The following TAFA5 variants were observed in gnomAD, a reference collection of about 807,000 sequenced individuals.
TAFA5 encodes the protein chemokine-like protein TAFA-5.
In TAFA5, 6 loss-of-function variants were observed where a neutral mutation model predicts 15.3. The observed-to-expected ratio is 0.39, with a 90% CI of 0.21 to 0.77. TAFA5 has a LOEUF of 0.77. Among genes scored for constraint, TAFA5 ranks in the 30% least tolerant of loss-of-function variants. TAFA5 has a pLI of 0.41. For missense variants in TAFA5, 161 were observed against 193.1 expected (o/e 0.83, Z 0.98); for synonymous variants, 103 against 80.7 (o/e 1.28, Z -1.48).
intron 1 of TAFA5, among the ~76,000 whole-genome samples, chr22:48,534,055 T>G (rs80517): frequency 6.6e-6 from 1 of 151,904 alleles, no homozygotes; most frequent in Admixed American, 6.5e-5. Context: ...AGAGCCCACA[T>G]GGTCTCCTTC....
chr22:48,647,859 A>C (rs1926921200), intron 2 of TAFA5, among the ~76,000 whole-genome samples: 1 of 152,078 alleles, frequency 6.6e-6, no homozygotes. Flanking sequence ...CCCGTGGGTG[A>C]GATGCGGAGT....
chr22:48,659,183 GC>G (rs750511367), intron 2 of TAFA5, among the ~76,000 whole-genome samples: 8 of 152,222 alleles, frequency 5.3e-5, no homozygotes, highest in Non-Finnish European at 1.2e-4. Context: ...CTCACTCTGG[GC>G]CCTCGTCCAC....
chr22:48,658,847 A>G (rs1052631066), intron 2 of TAFA5, among the ~76,000 whole-genome samples: 4 of 152,190 alleles, frequency 2.6e-5, no homozygotes, highest in Non-Finnish European at 4.4e-5. Flanking sequence ...CAGTCATGGA[A>G]TAAGGGTTCA....
At chr22:48,559,887 G>A (rs551929033) in intron 1 of TAFA5, among the ~76,000 whole-genome samples, 3 of 152,300 alleles carry the variant, frequency 2.0e-5, no homozygotes, top group South Asian at 2.1e-4. Context: ...CCAGAGATGC[G>A]GTCGCCGTGC....
At chr22:48,707,610 A>G in intron 2 of TAFA5, 107 bp from the exon 3 acceptor site, 2 of 1,392,898 alleles carry the variant, frequency 1.4e-6, no homozygotes, top group Non-Finnish European at 2.0e-6. Flanking sequence ...CACGCCGGGC[A>G]TTGCCTGAGG....
chr22:48,636,321 A>G (rs1926444690), intron 1 of TAFA5, among the ~76,000 whole-genome samples: 1 of 152,264 alleles, frequency 6.6e-6, no homozygotes, highest in Non-Finnish European at 1.5e-5. Context: ...TCGCACACAT[A>G]TAATTGCTTC....
chr22:48,742,596 ACATGGTGGACCGGGCCG>A lies in TAFA5; in HGVS notation c.391-7231_391-7215del, dbSNP rs905763975. Among the ~76,000 whole-genome samples, 6 of 151,682 alleles carry A rather than the reference ACATGGTGGACCGGGCCG, an allele frequency of 4.0e-5. No homozygotes were observed. Among genetic ancestry groups the A allele is most frequent in the African/African-American group, 9.7e-5 (4 of 41,274 alleles). On this transcript the variant is annotated intron_variant, in intron 3 of 3. Coordinates refer to ENST00000402357, the MANE Select transcript of TAFA5 (RefSeq NM_001082967.3). The surrounding 1 kb of genome is among the most constrained non-coding windows in gnomAD (Gnocchi z 6.2). ...ACTGGGCAGCGTGATGGACCAGGCG[ACATGGTGGACCGGGCCG>A]CATGGTGGACCAGGCAACGTGGTAG...
intron 2 of TAFA5, among the ~76,000 whole-genome samples, chr22:48,680,531 C>T (rs1262259799): frequency 1.3e-5 from 2 of 152,120 alleles, no homozygotes; most frequent in Admixed American, 1.3e-4. Flanking sequence ...GGGAAGTGGG[C>T]ACCCACAAAC....
chr22:48,523,129 G>T (rs1490781458), intron 1 of TAFA5, among the ~76,000 whole-genome samples: 2 of 152,198 alleles, frequency 1.3e-5, no homozygotes, highest in Non-Finnish European at 2.9e-5. Context: ...TCCAGCTCAC[G>T]GGCCTCCATC....
In TAFA5 at chr22:48,594,880, T is replaced by A. The variant is rs1359180481; in HGVS notation, c.113-51717T>A. Among the ~76,000 whole-genome samples the A allele has an allele frequency of 2.6e-4, 20 of 76,014 alleles. No individual in the cohort carries two copies. The East Asian group carries it at 5.0e-3, about 19-fold the overall frequency. 49.9% of individuals were successfully genotyped at this position (76,014 alleles called of 152,430 possible). On this transcript the variant is annotated intron_variant, in intron 1 of 3. Coordinates refer to ENST00000402357, the MANE Select transcript of TAFA5 (RefSeq NM_001082967.3). The stretch of plus-strand genomic sequence containing the variant: ...GCTGAATTTGCCTCCTGAGCACATT[T>A]TTTTTTTTTTTTTTGGTGCTCAGAG...
chr22:48,676,766 C>T (rs140021539), intron 2 of TAFA5, among the ~76,000 whole-genome samples: 29 of 152,364 alleles, frequency 1.9e-4, no homozygotes, highest in African/African-American at 5.5e-4. Context: ...ACAAGCCCTG[C>T]TCAAGTCCTG....
intron 1 of TAFA5, 21 bp from the exon 2 acceptor site, chr22:48,646,576 C>T (rs1206564789): frequency 9.9e-6 from 16 of 1,610,382 alleles, no homozygotes; most frequent in East Asian, 2.2e-5. Context: ...GCCGCTCAGT[C>T]GCTTCTGCTC....
intron 1 of TAFA5, among the ~76,000 whole-genome samples, chr22:48,625,252 C>A (rs1925988106): frequency 6.6e-6 from 1 of 152,152 alleles, no homozygotes; most frequent in Non-Finnish European, 1.5e-5. Context: ...ATGTGTATGA[C>A]CCACCAGTCT....
intron 2 of TAFA5, among the ~76,000 whole-genome samples, chr22:48,684,466 G>A (rs552273389): frequency 1.4e-4 from 22 of 152,238 alleles, no homozygotes; most frequent in African/African-American, 3.9e-4. Context: ...CCTAACCATG[G>A]TCTAGAAGTA....
chr22:48,566,091 G>C lies in TAFA5; in HGVS notation c.112+76387G>C, dbSNP rs1923398498. The stretch of plus-strand genomic sequence containing the variant: ...ATGGATGGATGGATGATGGATGAAT[G>C]ATAGGTGGATATGGATAGATAGATG... On this transcript the variant is annotated intron_variant, in intron 1 of 3. Coordinates refer to ENST00000402357, the MANE Select transcript of TAFA5 (RefSeq NM_001082967.3). This position sits in a 1 kb window ranked among gnomAD's most constrained non-coding sequence, Gnocchi z 4.5. Among the ~76,000 whole-genome samples the C allele has an allele frequency of 6.6e-6, 1 of 151,954 alleles. No individual in the cohort carries two copies. Among genetic ancestry groups the C allele is most frequent in the Non-Finnish European group, 1.5e-5 (1 of 67,978 alleles).
intron 3 of TAFA5, among the ~76,000 whole-genome samples, chr22:48,740,899 C>A (rs1030216255): frequency 6.6e-5 from 10 of 152,154 alleles, no homozygotes; most frequent in African/African-American, 2.2e-4. Context: ...AGGTAAACAG[C>A]CTTAGAAATG....
chr22:48,590,418 A>G (rs1244128363), intron 1 of TAFA5, among the ~76,000 whole-genome samples: 1 of 152,212 alleles, frequency 6.6e-6, no homozygotes, highest in Non-Finnish European at 1.5e-5. Flanking sequence ...TTTATGGCAA[A>G]GGCGCTGGCT....
intron 2 of TAFA5, among the ~76,000 whole-genome samples, chr22:48,649,819 G>A (rs1226206504): frequency 1.3e-5 from 2 of 152,154 alleles, no homozygotes; most frequent in African/African-American, 2.4e-5. Flanking sequence ...CAGCCAGGCC[G>A]TCCTTTCTTC....
intron 1 of TAFA5, among the ~76,000 whole-genome samples, chr22:48,539,984 G>C (rs984971880): frequency 1.3e-5 from 2 of 152,150 alleles, no homozygotes; most frequent in African/African-American, 4.8e-5. Context: ...ACCGGGGTCT[G>C]GCAGAGCCCA....
Sources: gnomAD v4.1 joint callset for allele counts (sites outside exome capture counted in the v4.1 genomes callset) on GRCh38, gnomAD v4.1.1 for gene constraint, Gnocchi (gnomAD v3.1) non-coding constraint, MANE v1.5 for transcripts, NCBI Gene and HGNC (gene_info 2026-07-23, HGNC 2026-07-21) for gene names.